The following GDPD1 variants were observed in gnomAD, a reference collection of about 807,000 sequenced individuals.
GDPD1 encodes the protein glycerophosphodiester phosphodiesterase domain containing 1.
Under a neutral mutation model 45.1 loss-of-function variants are expected in GDPD1, and 28 were observed. The observed-to-expected ratio is 0.62, with a 90% CI of 0.46 to 0.85. The LOEUF (loss-of-function observed/expected upper bound fraction) is 0.85. GDPD1 is among the 40% of genes least tolerant of loss of function. The probability of loss-of-function intolerance (pLI) is 0.00; values close to 1 mark genes in which losing one functional copy is unlikely to be tolerated. For synonymous variants in GDPD1, 139 were observed against 131.4 expected (o/e 1.06, Z -0.40); for missense variants, 256 against 364.8 (o/e 0.70, Z 2.43).
In GDPD1 at chr17:59,251,757, G is replaced by A. The variant is rs555966550; in HGVS notation, c.367+2972G>A. On this transcript the variant is annotated intron_variant, in intron 4 of 9. Coordinates refer to ENST00000284116, the MANE Select transcript of GDPD1 (RefSeq NM_182569.4). ...GCAGTGGCTCACATCTGTAATCCCA[G>A]CACTTTGGGAGGCTAAGGCAGGAGG... 3.3e-5 allele frequency among the ~76,000 whole-genome samples: 5 copies of A among 151,526 alleles called. No homozygotes were observed. The South Asian group carries it at 1.0e-3, about 32-fold the overall frequency.
At chr17:59,269,371 G>A (rs908993463) in intron 7 of GDPD1, among the ~76,000 whole-genome samples, 1 of 151,654 alleles carries the variant, frequency 6.6e-6, no homozygotes, top group Non-Finnish European at 1.5e-5. Flanking sequence ...TCCAATTTCA[G>A]TATCTTAGTG....
intron 1 of GDPD1, among the ~76,000 whole-genome samples, chr17:59,222,248 C>G (rs1157275911): frequency 1.3e-5 from 2 of 151,862 alleles, no homozygotes; most frequent in Non-Finnish European, 2.9e-5. Context: ...GGTCTGTCAC[C>G]CAGGCTGAAG....
intron 6 of GDPD1, among the ~76,000 whole-genome samples, chr17:59,262,382 T>A (rs1339221058): frequency 2.0e-5 from 3 of 152,132 alleles, no homozygotes; most frequent in Admixed American, 2.0e-4. Context: ...AACTCTGACA[T>A]TTCCATACAA....
chr17:59,264,302 G>GTT (rs1226913043), intron 6 of GDPD1, among the ~76,000 whole-genome samples: 1 of 146,158 alleles, frequency 6.8e-6, no homozygotes, highest in African/African-American at 2.5e-5. Context: ...GCCCAGCCAA[G>GTT]TTTTTTTTTT....
intron 4 of GDPD1, among the ~76,000 whole-genome samples, chr17:59,251,659 TC>T (rs1261699678): frequency 2.6e-5 from 4 of 152,148 alleles, no homozygotes; most frequent in Non-Finnish European, 5.9e-5. Flanking sequence ...TTAGGACTGA[TC>T]CTCAAATGTG....
intron 3 of GDPD1, among the ~76,000 whole-genome samples, chr17:59,246,195 T>C (rs910250765): frequency 9.2e-5 from 14 of 152,124 alleles, no homozygotes; most frequent in African/African-American, 3.4e-4. Flanking sequence ...TCATGCATAA[T>C]GTTACTGCCA....
intron 2 of GDPD1, among the ~76,000 whole-genome samples, chr17:59,242,841 A>G (rs1440157919): frequency 2.0e-5 from 3 of 152,180 alleles, no homozygotes; most frequent in African/African-American, 7.2e-5. Flanking sequence ...ACCCCTGCAC[A>G]AGGGATGAAT....
At chr17:59,222,505 C>CTTTTTTTTTTTTTTTTTTTTTTTTTTTT (rs149536097) in intron 1 of GDPD1, among the ~76,000 whole-genome samples, 1 of 41,740 alleles carries the variant, frequency 2.4e-5, no homozygotes, top group Non-Finnish European at 4.6e-5. Context: ...AGTGCCCAGC[C>CTTTTTTTTTTTTTTTTTTTTTTTTTTTT]TTTTTTTTTT....
At position 59,263,539 on chromosome 17, in the gene GDPD1, C is replaced by G. The variant is rs192054205; in HGVS notation, c.577-3502C>G. Among the ~76,000 whole-genome samples the G allele has an allele frequency of 3.5e-3, 429 of 121,262 alleles. 2 individuals carry two copies. The highest frequency in any genetic ancestry group is 0.014 in the African/African-American group (417 of 30,742). The allele number at this position is 121,262 out of a possible 152,430, so 79.6% of individuals were successfully genotyped here. ...GGTTGCCCAGGCTGGAGTGCAATGGCGCAATCTCGGCTCACCACAACCTCC... is the reference window on the plus strand; with the variant it reads ...GGTTGCCCAGGCTGGAGTGCAATGGGGCAATCTCGGCTCACCACAACCTCC... On this transcript the variant is annotated intron_variant, in intron 6 of 9. Coordinates refer to ENST00000284116, the MANE Select transcript of GDPD1 (RefSeq NM_182569.4).
Position 59,272,840 on chromosome 17 carries a change from A to G in GDPD1, c.822+4A>G. On this transcript the variant is annotated splice_donor_region_variant and intron_variant, in intron 9 of 9. Coordinates refer to ENST00000284116, the MANE Select transcript of GDPD1 (RefSeq NM_182569.4). ...CCTAACTGCTCGAGGCATTCAAGTAAGTTTCTGGAATGATGCATTTTGGAA... is the reference window on the plus strand; with the variant it reads ...CCTAACTGCTCGAGGCATTCAAGTAGGTTTCTGGAATGATGCATTTTGGAA... The G allele has an allele frequency of 6.2e-7, 1 of 1,614,036 alleles. No homozygotes were observed. Among genetic ancestry groups the G allele is most frequent in the Non-Finnish European group, 8.5e-7 (1 of 1,179,932 alleles).
chr17:59,234,860 C>T (rs897940195), intron 2 of GDPD1, among the ~76,000 whole-genome samples: 8 of 152,052 alleles, frequency 5.3e-5, no homozygotes, highest in Non-Finnish European at 8.8e-5. Context: ...AATGAAACAA[C>T]TGTTACAGTG....
chr17:59,227,483 TATATA>T (rs1243582971), intron 1 of GDPD1, among the ~76,000 whole-genome samples: 1 of 152,134 alleles, frequency 6.6e-6, no homozygotes, highest in African/African-American at 2.4e-5. Context: ...TTTTACATAG[TATATA>T]ATATTAGACA....
At position 59,275,170 on chromosome 17, in the gene GDPD1, G is replaced by A. The variant is rs893618778; in HGVS notation, c.*1397G>A. On this transcript the variant is annotated 3_prime_UTR_variant, in exon 10 of 10. Transcript: ENST00000284116. ...AAAAGAAATTTTGAAGGCCATTGCA[G>A]CTATTTGGTAGTGTCTTGTTATTTC... 1.2e-5 allele frequency: 19 copies of A among 1,537,200 alleles called. No individual in the cohort carries two copies. Among genetic ancestry groups the A allele is most frequent in the Non-Finnish European group, 1.6e-5 (18 of 1,146,838 alleles).
intron 1 of GDPD1, among the ~76,000 whole-genome samples, chr17:59,221,131 G>A (rs575867339): frequency 1.3e-5 from 2 of 152,200 alleles, no homozygotes; most frequent in Admixed American, 6.5e-5. Context: ...GGTACCCCGC[G>A]GGGGGCACCG....
chr17:59,246,915 G>A (rs141878059), intron 3 of GDPD1, among the ~76,000 whole-genome samples: 6,975 of 150,880 alleles, frequency 0.046, 210 homozygotes, highest in Non-Finnish European at 0.066. Context: ...TTACAGACAT[G>A]CACCACCATG....
At chr17:59,271,592 A>C (rs1195144569) in intron 8 of GDPD1, among the ~76,000 whole-genome samples, 1 of 150,478 alleles carries the variant, frequency 6.6e-6, no homozygotes, top group Non-Finnish European at 1.5e-5. Context: ...TTTATTATTT[A>C]ACGCCTTTTC....
At chr17:59,235,134 A>G (rs967944152) in intron 2 of GDPD1, among the ~76,000 whole-genome samples, 7 of 152,280 alleles carry the variant, frequency 4.6e-5, no homozygotes, top group Non-Finnish European at 1.0e-4. Flanking sequence ...TCATCAGTCT[A>G]TGGTAATCAT....
At chr17:59,269,226 G>A (rs970227467) in intron 7 of GDPD1, among the ~76,000 whole-genome samples, 34 of 151,826 alleles carry the variant, frequency 2.2e-4, no homozygotes, top group Non-Finnish European at 5.9e-5. Context: ...GAACCCCAGA[G>A]GTGGAGGTTG....
At chr17:59,249,444 G>A (rs2047236741) in intron 4 of GDPD1, among the ~76,000 whole-genome samples, 1 of 151,934 alleles carries the variant, frequency 6.6e-6, no homozygotes, top group South Asian at 2.1e-4. Flanking sequence ...ATAAATAAAT[G>A]AAAAGAAATG....
Sources: gnomAD v4.1 joint callset for allele counts (sites outside exome capture counted in the v4.1 genomes callset) on GRCh38, gnomAD v4.1.1 for gene constraint, MANE v1.5 for transcripts, NCBI Gene and HGNC (gene_info 2026-07-23, HGNC 2026-07-21) for gene names.